Variants in RBFOX2 observed in about 807,000 individuals in gnomAD.
RBFOX2 encodes RNA binding protein fox-1 homolog 2.
In RBFOX2, 10 loss-of-function variants were observed where a neutral mutation model predicts 49.1. That is an observed-to-expected ratio of 0.20 (90% CI 0.13 to 0.35). The LOEUF is 0.35. RBFOX2 is among the 10% of genes least tolerant of loss of function. The pLI is 1.00. For synonymous variants in RBFOX2, 183 were observed against 187.4 expected, an observed-to-expected ratio of 0.98 and a Z score of 0.19; for missense variants, 323 against 486.9, an observed-to-expected ratio of 0.66 and a Z score of 3.17.
intron 1 of RBFOX2, among the ~76,000 whole-genome samples, chr22:35,981,516 C>T (rs1161157327): frequency 6.6e-6 from 1 of 151,936 alleles, no homozygotes; most frequent in Admixed American, 6.6e-5. Context: ...GTGGTGCCCG[C>T]CTGTGGTCAC....
intron 1 of RBFOX2, among the ~76,000 whole-genome samples, chr22:35,989,281 A>G (rs2057861569): frequency 6.6e-6 from 1 of 152,200 alleles, no homozygotes; most frequent in Non-Finnish European, 1.5e-5. Context: ...CTAGAATAGA[A>G]TCATTTCAAG....
chr22:35,750,729 T>C (rs1934591492), intron 9 of RBFOX2, among the ~76,000 whole-genome samples: 1 of 152,242 alleles, frequency 6.6e-6, no homozygotes, highest in Non-Finnish European at 1.5e-5. Flanking sequence ...GGCAATATAA[T>C]TCAGTCCTGA....
intron 4 of RBFOX2, among the ~76,000 whole-genome samples, chr22:35,769,944 T>C (rs142673291): frequency 6.6e-6 from 1 of 152,308 alleles, no homozygotes; most frequent in East Asian, 1.9e-4. Context: ...GCTAAGCTGA[T>C]AGAGATTTTA....
intron 1 of RBFOX2, among the ~76,000 whole-genome samples, chr22:35,934,436 T>A (rs1157898388): frequency 1.3e-5 from 2 of 152,206 alleles, no homozygotes; most frequent in African/African-American, 4.8e-5. Flanking sequence ...CTGTATTTCT[T>A]CAATTAGAGA....
intron 1 of RBFOX2, among the ~76,000 whole-genome samples, chr22:35,817,949 AACACACACACACAC>A (rs71322983): frequency 1.4e-5 from 2 of 143,562 alleles, no homozygotes; most frequent in South Asian, 2.4e-4. Flanking sequence ...ATCACTTGTC[AACACACACACACAC>A]ACACACACAC....
At chr22:35,796,135 G>A (rs1209144362) in intron 2 of RBFOX2, among the ~76,000 whole-genome samples, 3 of 152,034 alleles carry the variant, frequency 2.0e-5, no homozygotes, top group African/African-American at 7.2e-5. Flanking sequence ...CACTGTGCCT[G>A]GCCTACAAAG....
intron 1 of RBFOX2, among the ~76,000 whole-genome samples, chr22:35,850,944 A>C (rs188262205): frequency 1.3e-5 from 2 of 152,204 alleles, no homozygotes; most frequent in African/African-American, 4.8e-5. Context: ...ATTCTAAATA[A>C]GTTTCAGGGG....
At chr22:35,904,594 T>C (rs539522583) in intron 1 of RBFOX2, among the ~76,000 whole-genome samples, 1 of 152,354 alleles carries the variant, frequency 6.6e-6, no homozygotes, top group African/African-American at 2.4e-5. Flanking sequence ...AATGCTACAC[T>C]GTGAAATAAT....
At chr22:35,937,155 A>G (rs1165190709) in intron 1 of RBFOX2, among the ~76,000 whole-genome samples, 3 of 152,210 alleles carry the variant, frequency 2.0e-5, no homozygotes, top group Non-Finnish European at 4.4e-5. Context: ...GGTAAGCCCA[A>G]TCTTACACTT....
At chr22:35,924,068 A>T (rs2051336050) in intron 1 of RBFOX2, among the ~76,000 whole-genome samples, 1 of 152,220 alleles carries the variant, frequency 6.6e-6, no homozygotes, top group Non-Finnish European at 1.5e-5. Context: ...TTGGACAATG[A>T]CTTAATCCCT....
At chr22:35,812,711 GC>G (rs1349500263) in intron 1 of RBFOX2, among the ~76,000 whole-genome samples, 1 of 152,182 alleles carries the variant, frequency 6.6e-6, no homozygotes, top group African/African-American at 2.4e-5. Context: ...ATTGGTAAAA[GC>G]TAAAAGATAG....
At chr22:35,890,952 A>G (rs1161575926) in intron 1 of RBFOX2, among the ~76,000 whole-genome samples, 1 of 152,100 alleles carries the variant, frequency 6.6e-6, no homozygotes, top group Non-Finnish European at 1.5e-5. Context: ...CCTCACCTGT[A>G]CAATAGGGAT....
exon 1 of RBFOX2, chr22:36,028,268 G>GCCT: frequency 1.3e-6 from 2 of 1,532,366 alleles, no homozygotes; most frequent in Non-Finnish European, 1.7e-6. Flanking sequence ...GTCGGCCGCC[G>GCCT]CCTCCTCAGT....
intron 2 of RBFOX2, among the ~76,000 whole-genome samples, chr22:35,784,188 G>A (rs1278858287): frequency 6.6e-6 from 1 of 152,196 alleles, no homozygotes; most frequent in Non-Finnish European, 1.5e-5. Context: ...AAAAGAATCT[G>A]AAGAGTACAT....
intron 3 of RBFOX2, among the ~76,000 whole-genome samples, chr22:35,781,324 G>C (rs1569073656): frequency 6.6e-6 from 1 of 152,160 alleles, no homozygotes. Flanking sequence ...GACCATCCTG[G>C]TTTCAGCACT....
chr22:35,917,665 G>A (rs1311523648), intron 1 of RBFOX2, among the ~76,000 whole-genome samples: 2 of 152,034 alleles, frequency 1.3e-5, no homozygotes, highest in Admixed American at 1.3e-4. Context: ...ACAGTGCACT[G>A]CACGGGAGGC....
chr22:35,955,798 T>C (rs1603457932), intron 1 of RBFOX2, among the ~76,000 whole-genome samples: 2 of 152,278 alleles, frequency 1.3e-5, no homozygotes, highest in South Asian at 2.1e-4. Context: ...GGCCTGGGGA[T>C]TGGAGATGGA....
At chr22:35,824,044 G>C (rs1955108054) in intron 1 of RBFOX2, among the ~76,000 whole-genome samples, 1 of 152,064 alleles carries the variant, frequency 6.6e-6, no homozygotes, top group Admixed American at 6.5e-5. Context: ...AGCTACTCGG[G>C]AGGCTGAGGC....
chr22:36,015,459 T>C (rs1015996995), intron 1 of RBFOX2, among the ~76,000 whole-genome samples: 8 of 152,354 alleles, frequency 5.3e-5, no homozygotes, highest in South Asian at 4.1e-4. Context: ...TCAAACCCAC[T>C]GTGCCAGCCA....
Sources: allele counts gnomAD v4.1 joint callset (sites outside exome capture counted in the v4.1 genomes callset), GRCh38; gene constraint gnomAD v4.1.1; transcripts MANE v1.5; gene names NCBI Gene and HGNC (gene_info 2026-07-23, HGNC 2026-07-21).